CTNNA3: variants seen among roughly 807,000 people sequenced by gnomAD.
CTNNA3 encodes the protein catenin alpha 3.
A neutral mutation model predicts 95.7 loss-of-function variants in CTNNA3; 76 were observed. That is an observed-to-expected ratio of 0.79 (90% CI 0.66 to 0.96). CTNNA3 has a LOEUF of 0.96. Ranked by LOEUF, CTNNA3 falls within the 40% of genes least tolerant of loss-of-function variation. The pLI is 0.00. For synonymous variants in CTNNA3, 431 were observed against 374.4 expected (o/e 1.15, Z -1.74); for missense variants, 1,191 against 1,089.8 (o/e 1.09, Z -1.31).
intron 5 of CTNNA3, among the ~76,000 whole-genome samples, chr10:67,447,745 G>A (rs1846810494): frequency 6.6e-6 from 1 of 152,090 alleles, no homozygotes; most frequent in South Asian, 2.1e-4. Flanking sequence ...ACTGCTTGAT[G>A]TGTATGTGTT....
intron 7 of CTNNA3, among the ~76,000 whole-genome samples, chr10:67,134,460 C>T (rs949836721): frequency 2.0e-5 from 3 of 152,020 alleles, no homozygotes; most frequent in Non-Finnish European, 4.4e-5. Context: ...TAAAATAATA[C>T]GATGGATGCT....
In CTNNA3 at chr10:66,981,745, C is replaced by T. The variant is rs59147395; in HGVS notation, c.1047+198572G>A. ...GCAAACTCATGCATTATGAACATGG[C>T]ATAGCACTTACCTGAAACATACAGT... On this transcript the variant is annotated intron_variant, in intron 7 of 17. Coordinates refer to ENST00000433211, the MANE Select transcript of CTNNA3 (RefSeq NM_013266.4). 7.4e-3 allele frequency among the ~76,000 whole-genome samples: 1,133 copies of T among 152,304 alleles called. 18 individuals are homozygous for T. The highest frequency in any genetic ancestry group is 0.026 in the African/African-American group (1,080 of 41,572).
At chr10:65,921,768 T>C (rs894121343) in intron 17 of CTNNA3, among the ~76,000 whole-genome samples, 21 of 152,186 alleles carry the variant, frequency 1.4e-4, no homozygotes, top group Non-Finnish European at 1.9e-4. Context: ...CCAGTAACCT[T>C]TTTGGTAAAT....
At chr10:67,607,614 A>T (rs182010538) in intron 2 of CTNNA3, among the ~76,000 whole-genome samples, 16 of 152,334 alleles carry the variant, frequency 1.1e-4, no homozygotes, top group Non-Finnish European at 2.2e-4. Flanking sequence ...GTGAACCTGC[A>T]TAGTTCAAAC....
chr10:66,779,746 T>A (rs1840456009), intron 7 of CTNNA3, among the ~76,000 whole-genome samples: 1 of 152,218 alleles, frequency 6.6e-6, no homozygotes, highest in African/African-American at 2.4e-5. Context: ...AATTAATTAC[T>A]CTCTTCCATG....
chr10:66,330,868 T>C (rs1045458936), intron 12 of CTNNA3, among the ~76,000 whole-genome samples: 3 of 152,108 alleles, frequency 2.0e-5, no homozygotes, highest in African/African-American at 7.2e-5. Context: ...ATAAATGTCT[T>C]CTTTTGAGAA....
rs186638691 is a variant in CTNNA3 at position 67,214,337 on chromosome 10, T to A, written c.843+5270A>T. On this transcript the variant is annotated intron_variant, in intron 6 of 17. Transcript: ENST00000433211. ...GTTACTATAGACATTTTAACATGCT[T>A]ATTAAGATAAATGCCTAATATAAGT... 3.9e-3 allele frequency among the ~76,000 whole-genome samples: 593 copies of A among 151,874 alleles called. 5 individuals are homozygous for A. The highest frequency in any genetic ancestry group is 0.013 in the African/African-American group (552 of 41,538).
At chr10:66,325,909 C>A (rs911068993) in intron 12 of CTNNA3, among the ~76,000 whole-genome samples, 1 of 151,952 alleles carries the variant, frequency 6.6e-6, no homozygotes, top group Non-Finnish European at 1.5e-5. Flanking sequence ...TTATTTCATT[C>A]GAGAAGAAGG....
intron 5 of CTNNA3, among the ~76,000 whole-genome samples, chr10:67,256,847 C>A (rs981105711): frequency 6.6e-6 from 1 of 151,802 alleles, no homozygotes; most frequent in South Asian, 2.1e-4. Flanking sequence ...TTAAAAATAC[C>A]CAGTGGTACT....
chr10:67,285,727 T>G (rs1204901967), intron 5 of CTNNA3, among the ~76,000 whole-genome samples: 3 of 152,234 alleles, frequency 2.0e-5, no homozygotes, highest in Admixed American at 2.0e-4. Flanking sequence ...TAATATTGTG[T>G]GGCCTAGGAA....
intron 3 of CTNNA3, among the ~76,000 whole-genome samples, chr10:67,554,528 T>C (rs192942351): frequency 3.9e-5 from 6 of 152,382 alleles, no homozygotes; most frequent in Admixed American, 3.3e-4. Flanking sequence ...CATTTTTTCA[T>C]GTGTCTGTTG....
intron 11 of CTNNA3, among the ~76,000 whole-genome samples, chr10:66,382,010 GA>G (rs2132498051): frequency 6.6e-6 from 1 of 152,280 alleles, no homozygotes; most frequent in Admixed American, 6.5e-5. Context: ...CTCCCAGTGT[GA>G]TTGATGCAGA....
intron 7 of CTNNA3, among the ~76,000 whole-genome samples, chr10:67,110,856 G>T (rs1858880752): frequency 6.6e-6 from 1 of 152,074 alleles, no homozygotes; most frequent in Non-Finnish European, 1.5e-5. Context: ...AGAAGAAATA[G>T]ATTAAAAATT....
At chr10:66,132,600 T>TA (rs1470740606) in intron 13 of CTNNA3, among the ~76,000 whole-genome samples, 2 of 152,210 alleles carry the variant, frequency 1.3e-5, no homozygotes, top group Non-Finnish European at 2.9e-5. Flanking sequence ...TATGCATGCA[T>TA]ATGTTTATTG....
At chr10:66,360,857 C>CTTT (rs1207441038) in intron 12 of CTNNA3, among the ~76,000 whole-genome samples, 1 of 105,678 alleles carries the variant, frequency 9.5e-6, no homozygotes, top group Non-Finnish European at 1.9e-5. Context: ...TTCTTTCTTT[C>CTTT]CTTTCTCTTT....
chr10:67,711,696 T>C (rs1841110432), intron 1 of CTNNA3, among the ~76,000 whole-genome samples: 1 of 151,092 alleles, frequency 6.6e-6, no homozygotes, highest in African/African-American at 2.4e-5. Context: ...ACTCGTCATC[T>C]AGCATTAGGT....
chr10:67,548,310 A>G (rs776856179), intron 3 of CTNNA3, among the ~76,000 whole-genome samples: 4 of 152,182 alleles, frequency 2.6e-5, no homozygotes, highest in South Asian at 2.1e-4. Context: ...TCCATGTACA[A>G]TCTGCAGAAC....
chr10:66,333,426 G>C (rs2092355688), intron 12 of CTNNA3, among the ~76,000 whole-genome samples: 1 of 151,864 alleles, frequency 6.6e-6, no homozygotes, highest in Non-Finnish European at 1.5e-5. Flanking sequence ...CTGGTATGTT[G>C]TGTCTTTGTT....
At position 67,031,385 on chromosome 10, in the gene CTNNA3, C is replaced by T. The variant is rs1404555094; in HGVS notation, c.1047+148932G>A. Reference sequence around the variant, plus strand: ...CAGTGTCAGATCTAAGAATATCATTCTTCGTCTTCACTTCTGGCTACATTA... The same window carrying T: ...CAGTGTCAGATCTAAGAATATCATTTTTCGTCTTCACTTCTGGCTACATTA... On this transcript the variant is annotated intron_variant, in intron 7 of 17. Coordinates refer to ENST00000433211, the MANE Select transcript of CTNNA3 (RefSeq NM_013266.4). Among the ~76,000 whole-genome samples, 3 of 152,124 alleles carry T rather than the reference C, an allele frequency of 2.0e-5. No homozygotes were observed. In the East Asian group the frequency reaches 5.8e-4, roughly 29 times the overall value.
Sources: allele counts gnomAD v4.1 joint callset (sites outside exome capture counted in the v4.1 genomes callset), GRCh38; gene constraint gnomAD v4.1.1; transcripts MANE v1.5; gene names NCBI Gene and HGNC (gene_info 2026-07-23, HGNC 2026-07-21).